WDPCP: variants seen among roughly 807,000 people sequenced by gnomAD.
WDPCP encodes WD repeat containing planar cell polarity effector.
In WDPCP, 71 loss-of-function variants were observed where a neutral mutation model predicts 93.1. The ratio of observed to expected loss-of-function variants is 0.76; its 90% CI spans 0.63 to 0.93. The LOEUF (loss-of-function observed/expected upper bound fraction) is 0.93, where lower values mean the gene tolerates loss of function less well. Among genes scored for constraint, WDPCP ranks in the 40% least tolerant of loss-of-function variants. The pLI is 0.00. For missense variants in WDPCP, 844 were observed against 887.4 expected, an observed-to-expected ratio of 0.95 and a Z score of 0.62; for synonymous variants, 315 against 315.0, an observed-to-expected ratio of 1.00 and a Z score of 0.00.
upstream of WDPCP, among the ~76,000 whole-genome samples, chr2:63,829,303 A>G (rs1336930803): frequency 6.6e-6 from 1 of 152,166 alleles, no homozygotes; most frequent in Non-Finnish European, 1.5e-5. Flanking sequence ...GCAACCTACT[A>G]AATTGATTTC....
chr2:63,156,713 G>A (rs932881582), intron 15 of WDPCP, among the ~76,000 whole-genome samples: 2 of 152,160 alleles, frequency 1.3e-5, no homozygotes, highest in Non-Finnish European at 2.9e-5. Context: ...ACTCTAGCCT[G>A]GGTGACAGAG....
At chr2:63,136,397 T>A (rs1263715444) in intron 17 of WDPCP, among the ~76,000 whole-genome samples, 2 of 150,942 alleles carry the variant, frequency 1.3e-5, no homozygotes, top group Non-Finnish European at 1.5e-5. Flanking sequence ...ATGGAGAGAG[T>A]GAGAGAGAGG....
intron 3 of WDPCP, chr2:63,607,198 G>A (rs560879670): frequency 3.1e-5 from 10 of 319,022 alleles, no homozygotes; most frequent in African/African-American, 2.2e-4. Context: ...TCAAATGAAA[G>A]TGACTCAGAC....
chr2:63,555,749 C>G (rs1706065314), intron 1 of WDPCP, among the ~76,000 whole-genome samples: 1 of 152,044 alleles, frequency 6.6e-6, no homozygotes, highest in Non-Finnish European at 1.5e-5. Context: ...CTGCAGCAGC[C>G]CTACAGAAGA....
At chr2:63,609,305 G>A (rs781663093) in intron 3 of WDPCP, among the ~76,000 whole-genome samples, 1 of 152,054 alleles carries the variant, frequency 6.6e-6, no homozygotes, top group Non-Finnish European at 1.5e-5. Context: ...AGGTTGCAGT[G>A]AGCCGAGATC....
chr2:63,692,661 C>A (rs1294489467), intron 2 of WDPCP, among the ~76,000 whole-genome samples: 1 of 151,952 alleles, frequency 6.6e-6, no homozygotes, highest in Non-Finnish European at 1.5e-5. Flanking sequence ...TTTAGATAGG[C>A]CTTAAATGAT....
intron 3 of WDPCP, among the ~76,000 whole-genome samples, chr2:63,646,675 T>C (rs1032100018): frequency 1.3e-5 from 2 of 152,190 alleles, no homozygotes; most frequent in Non-Finnish European, 2.9e-5. Context: ...TCACCAGATA[T>C]ACTATTCTAA....
At chr2:63,224,168 G>A (rs1275035859) in intron 14 of WDPCP, among the ~76,000 whole-genome samples, 1 of 152,018 alleles carries the variant, frequency 6.6e-6, no homozygotes, top group Non-Finnish European at 1.5e-5. Context: ...TTAAGGAAAT[G>A]CAATTTTCAA....
At chr2:63,575,218 G>A (rs1707830862) in intron 1 of WDPCP, among the ~76,000 whole-genome samples, 1 of 150,894 alleles carries the variant, frequency 6.6e-6, no homozygotes, top group Non-Finnish European at 1.5e-5. Flanking sequence ...AATAGAAATA[G>A]TCTAGAAATG....
At chr2:63,222,755 G>A (rs1458300283) in intron 14 of WDPCP, among the ~76,000 whole-genome samples, 1 of 152,036 alleles carries the variant, frequency 6.6e-6, no homozygotes, top group Non-Finnish European at 1.5e-5. Context: ...AATAATTTAT[G>A]TCTTTTAGTA....
intron 3 of WDPCP, chr2:63,642,390 G>C (rs189676017): frequency 6.6e-6 from 1 of 151,350 alleles, no homozygotes; most frequent in Non-Finnish European, 1.5e-5. Context: ...TGAATTTGTA[G>C]ATTGCTTTGG....
At chr2:63,593,788 AT>A (rs1709248904), upstream of WDPCP, among the ~76,000 whole-genome samples, 1 of 152,228 alleles carries the variant, frequency 6.6e-6, no homozygotes, top group Non-Finnish European at 1.5e-5. Context: ...ATCTTTTAAA[AT>A]TCTGTCAGCT....
At chr2:63,261,095 T>A (rs1681590761) in intron 13 of WDPCP, among the ~76,000 whole-genome samples, 1 of 152,052 alleles carries the variant, frequency 6.6e-6, no homozygotes, top group African/African-American at 2.4e-5. Flanking sequence ...TGTGATAAAA[T>A]CATTTCATTT....
chr2:63,594,429 C>T (rs1709262589), intron 3 of WDPCP: 2 of 1,224,198 alleles, frequency 1.6e-6, no homozygotes, highest in Admixed American at 1.7e-5. Context: ...GATTAAAATC[C>T]TGGATATTTT....
At chr2:63,506,041 A>G (rs1182393909) in intron 1 of WDPCP, among the ~76,000 whole-genome samples, 1 of 152,132 alleles carries the variant, frequency 6.6e-6, no homozygotes, top group East Asian at 1.9e-4. Context: ...AAAAATAGAA[A>G]TCATATATTC....
chr2:63,437,782 C>T, intron 7 of WDPCP: 3 of 1,425,152 alleles, frequency 2.1e-6, no homozygotes, highest in Non-Finnish European at 2.9e-6. Context: ...TCAATATACA[C>T]TGATATTTGG....
upstream of WDPCP, among the ~76,000 whole-genome samples, chr2:63,591,726 C>G (rs1377127192): frequency 6.6e-6 from 1 of 152,162 alleles, no homozygotes; most frequent in Non-Finnish European, 1.5e-5. Context: ...AGACTGTTCT[C>G]AAGAGCGCTT....
intron 13 of WDPCP, among the ~76,000 whole-genome samples, chr2:63,288,357 G>A (rs1418158151): frequency 6.6e-6 from 1 of 152,200 alleles, no homozygotes; most frequent in Non-Finnish European, 1.5e-5. Flanking sequence ...TGAGTTTGGA[G>A]AGGTTACCTG....
In WDPCP at chr2:63,327,295, T is replaced by C. The variant is rs189198925; in HGVS notation, c.1749-13984A>G. Among the ~76,000 whole-genome samples, 7 of 152,360 alleles carry C rather than the reference T, an allele frequency of 4.6e-5. No individual in the cohort carries two copies. The East Asian group carries it at 1.3e-3, about 29-fold the overall frequency. ...CTTACAGAATCAGGAAGGAGCCATC[T>C]ATACCAATTCTAAGTTAATATGGAC... is the stretch of plus-strand genomic sequence containing the variant. On this transcript the variant is annotated intron_variant, in intron 12 of 17. Coordinates refer to ENST00000272321, the MANE Select transcript of WDPCP (RefSeq NM_015910.7).
Sources: allele counts gnomAD v4.1 joint callset (sites outside exome capture counted in the v4.1 genomes callset), GRCh38; gene constraint gnomAD v4.1.1; transcripts MANE v1.5; gene names NCBI Gene and HGNC (gene_info 2026-07-23, HGNC 2026-07-21).